Variants in LPP observed in about 807,000 individuals in gnomAD.
The protein encoded by LPP is LIM domain containing preferred translocation partner in lipoma.
A neutral mutation model predicts 60.4 loss-of-function variants in LPP; 38 were observed. The ratio of observed to expected loss-of-function variants is 0.63; its 90% CI spans 0.49 to 0.83. LPP has a LOEUF of 0.83. Among genes scored for constraint, LPP ranks in the 40% least tolerant of loss-of-function variants. The pLI is 0.00. For missense variants in LPP, 902 were observed against 783.6 expected, an observed-to-expected ratio of 1.15 and a Z score of -1.80; for synonymous variants, 328 against 290.8, an observed-to-expected ratio of 1.13 and a Z score of -1.30.
intron 4 of LPP, among the ~76,000 whole-genome samples, chr3:188,433,282 C>A (rs1791408555): frequency 6.6e-6 from 1 of 151,874 alleles, no homozygotes; most frequent in African/African-American, 2.4e-5. Flanking sequence ...TCCTTTGTCC[C>A]TGTGTGAAAA....
chr3:188,203,367 TA>T (rs1184205540), intron 1 of LPP, among the ~76,000 whole-genome samples: 1 of 103,726 alleles, frequency 9.6e-6, no homozygotes, highest in African/African-American at 4.0e-5. Context: ...TATATTTATA[TA>T]AATATATATT....
intron 6 of LPP, among the ~76,000 whole-genome samples, chr3:188,556,548 A>C (rs1372957374): frequency 6.6e-6 from 1 of 152,080 alleles, no homozygotes; most frequent in African/African-American, 2.4e-5. Context: ...CCTGAAAATC[A>C]TACAAACTCT....
At chr3:188,661,493 G>C (rs1854565533) in intron 7 of LPP, among the ~76,000 whole-genome samples, 4 of 152,164 alleles carry the variant, frequency 2.6e-5, no homozygotes, top group Admixed American at 2.6e-4. Context: ...CAACATTGTG[G>C]CCAGAATTTT....
intron 4 of LPP, among the ~76,000 whole-genome samples, chr3:188,457,739 A>AATAT (rs57639615): frequency 0.17 from 24,083 of 139,768 alleles, 2,394 homozygotes; most frequent in Non-Finnish European, 0.22. Flanking sequence ...AAAAAAAAAA[A>AATAT]ATATATATAT....
At chr3:188,403,002 CTTA>C (rs766926274) in intron 3 of LPP, among the ~76,000 whole-genome samples, 3 of 152,090 alleles carry the variant, frequency 2.0e-5, no homozygotes, top group Admixed American at 6.6e-5. Context: ...ATCATGAAAA[CTTA>C]TTATAAATCC....
intron 3 of LPP, among the ~76,000 whole-genome samples, chr3:188,362,423 T>C (rs1212664161): frequency 1.3e-5 from 2 of 152,220 alleles, no homozygotes; most frequent in African/African-American, 4.8e-5. Flanking sequence ...GAATTTTCTT[T>C]CCTGGCCATT....
intron 7 of LPP, among the ~76,000 whole-genome samples, chr3:188,616,627 G>T (rs1202700570): frequency 3.3e-5 from 5 of 151,614 alleles, no homozygotes; most frequent in Non-Finnish European, 5.9e-5. Flanking sequence ...GCATCAGTTT[G>T]TTGTTGTCCA....
At chr3:188,749,145 A>G (rs1426228142) in intron 8 of LPP, among the ~76,000 whole-genome samples, 2 of 152,200 alleles carry the variant, frequency 1.3e-5, no homozygotes, top group African/African-American at 2.4e-5. Flanking sequence ...AATACTCCTA[A>G]TTACAATGAA....
At chr3:188,433,254 C>A (rs1791400446) in intron 4 of LPP, among the ~76,000 whole-genome samples, 1 of 152,098 alleles carries the variant, frequency 6.6e-6, no homozygotes, top group Admixed American at 6.6e-5. Flanking sequence ...ACCACCATTT[C>A]AAAGGAAAGT....
intron 3 of LPP, among the ~76,000 whole-genome samples, chr3:188,364,656 G>A (rs557312163): frequency 3.3e-5 from 5 of 152,284 alleles, no homozygotes; most frequent in Admixed American, 6.5e-5. Flanking sequence ...GAACCTGCAC[G>A]CTCATTAGAA....
intron 6 of LPP, among the ~76,000 whole-genome samples, chr3:188,607,516 A>G (rs910285671): frequency 7.3e-5 from 11 of 151,290 alleles, no homozygotes; most frequent in African/African-American, 2.4e-4. Flanking sequence ...TATGTTCTTC[A>G]TGGTTAAAGA....
At position 188,462,544 on chromosome 3, in the gene LPP, T is replaced by TATATATATAAA. The variant is rs1799236891; in HGVS notation, c.194-22048_194-22047insATATATATAAA. Among the ~76,000 whole-genome samples the TATATATATAAA allele has an allele frequency of 1.7e-3, 59 of 34,204 alleles. 2 individuals are homozygous for TATATATATAAA. The highest frequency in any genetic ancestry group is 4.4e-3 in the South Asian group (3 of 682). 22.4% of individuals were successfully genotyped at this position (34,204 alleles called of 152,430 possible). The stretch of plus-strand genomic sequence containing the variant: ...TAAATTTAGCCAATTTATATGAGCT[T>TATATATATAAA]TATATATATATATATATATATATAT... On this transcript the variant is annotated intron_variant, in intron 4 of 11. Coordinates refer to ENST00000617246, the MANE Select transcript of LPP (RefSeq NM_001375462.1).
At chr3:188,757,772 T>A (rs1375289976) in intron 8 of LPP, among the ~76,000 whole-genome samples, 1 of 152,152 alleles carries the variant, frequency 6.6e-6, no homozygotes, top group African/African-American at 2.4e-5. Context: ...ATCCATTTAC[T>A]CCTAATCCCT....
At chr3:188,267,635 G>A (rs1331317508) in intron 2 of LPP, among the ~76,000 whole-genome samples, 1 of 152,196 alleles carries the variant, frequency 6.6e-6, no homozygotes, top group African/African-American at 2.4e-5. Flanking sequence ...GCTCCCTACA[G>A]CCCTGATGAC....
chr3:188,311,820 G>C (rs1560232521), intron 2 of LPP, among the ~76,000 whole-genome samples: 1 of 151,890 alleles, frequency 6.6e-6, no homozygotes, highest in Non-Finnish European at 1.5e-5. Context: ...TGTATTTTTA[G>C]TAGAGACAGA....
intron 4 of LPP, among the ~76,000 whole-genome samples, chr3:188,412,227 C>G (rs901553532): frequency 6.6e-6 from 1 of 152,114 alleles, no homozygotes; most frequent in Non-Finnish European, 1.5e-5. Flanking sequence ...CTCCCTCTCT[C>G]TCTCTAAATA....
intron 6 of LPP, among the ~76,000 whole-genome samples, chr3:188,574,458 A>T (rs1834162993): frequency 6.6e-6 from 1 of 152,190 alleles, no homozygotes; most frequent in South Asian, 2.1e-4. Context: ...AACAGTTTTT[A>T]TAGAGGCAAA....
intron 6 of LPP, among the ~76,000 whole-genome samples, chr3:188,590,089 T>C (rs1171730093): frequency 4.6e-5 from 7 of 152,204 alleles, no homozygotes; most frequent in African/African-American, 7.2e-5. Context: ...AGGGTGGTAA[T>C]TGCAGTGTAG....
rs972236474 is a variant in LPP at position 188,862,661 on chromosome 3, G to A, written c.1411-3539G>A. 1.3e-4 allele frequency among the ~76,000 whole-genome samples: 19 copies of A among 147,906 alleles called. 2 individuals are homozygous for A. Among genetic ancestry groups the A allele is most frequent in the South Asian group, 8.7e-4 (4 of 4,606 alleles). ...ATATTGAAGGTTCATAAGCTGGAAG[G>A]TGCTCTTTTCTTTTAAATCCCCAGC... On this transcript the variant is annotated intron_variant, in intron 9 of 11. Coordinates refer to ENST00000617246, the MANE Select transcript of LPP (RefSeq NM_001375462.1).
Sources: allele counts gnomAD v4.1 joint callset (sites outside exome capture counted in the v4.1 genomes callset), GRCh38; gene constraint gnomAD v4.1.1; transcripts MANE v1.5; gene names NCBI Gene and HGNC (gene_info 2026-07-23, HGNC 2026-07-21).